UNC5D: variants seen among roughly 807,000 people sequenced by gnomAD.
UNC5D encodes unc-5 netrin receptor D, also known as netrin receptor UNC5D.
A neutral mutation model predicts 105.4 loss-of-function variants in UNC5D; 39 were observed. That is an observed-to-expected ratio of 0.37 (90% CI 0.29 to 0.48). The LOEUF (loss-of-function observed/expected upper bound fraction) is 0.48. UNC5D is among the 20% of genes least tolerant of loss of function. The pLI is 0.98. For synonymous variants in UNC5D, 452 were observed against 450.4 expected (o/e 1.00, Z -0.04); for missense variants, 991 against 1,202.4 (o/e 0.82, Z 2.60).
At chr8:35,513,241 T>TC (rs1241520234) in intron 1 of UNC5D, among the ~76,000 whole-genome samples, 1 of 142,118 alleles carries the variant, frequency 7.0e-6, no homozygotes, top group East Asian at 2.2e-4. Flanking sequence ...TTTTTTTTTT[T>TC]CCCCTGAGAC....
At chr8:35,434,908 C>G (rs917970077) in intron 1 of UNC5D, among the ~76,000 whole-genome samples, 2 of 151,968 alleles carry the variant, frequency 1.3e-5, no homozygotes, top group African/African-American at 4.8e-5. Context: ...AAGATATGAA[C>G]CAGTTCTTGG....
rs539663922 is a variant in UNC5D, at chr8:35,759,522, A to G, written c.2313+53A>G. ...AACGGCTTTGCTTTAACCGGCAAGCATGTCACAGATCCTGGCAAGGGTCTG... is the reference window on the plus strand; with the variant it reads ...AACGGCTTTGCTTTAACCGGCAAGCGTGTCACAGATCCTGGCAAGGGTCTG... On this transcript the variant is annotated intron_variant, in intron 14 of 16. Transcript: ENST00000404895. The G allele has an allele frequency of 1.2e-5, 19 of 1,578,630 alleles. No homozygotes were observed. The East Asian group carries it at 3.1e-4, about 26-fold the overall frequency.
At chr8:35,452,955 A>T (rs1376143258) in intron 1 of UNC5D, among the ~76,000 whole-genome samples, 8 of 152,138 alleles carry the variant, frequency 5.3e-5, no homozygotes, top group African/African-American at 1.7e-4. Context: ...GGCCTTCAGT[A>T]TTGGAACAAA....
intron 4 of UNC5D, among the ~76,000 whole-genome samples, chr8:35,600,757 C>A (rs1394180696): frequency 1.3e-5 from 2 of 152,140 alleles, no homozygotes; most frequent in African/African-American, 4.8e-5. Flanking sequence ...GTTGCCTGTT[C>A]ACTCTGATGG....
intron 1 of UNC5D, among the ~76,000 whole-genome samples, chr8:35,385,444 A>C (rs1803324688): frequency 6.9e-6 from 1 of 145,718 alleles, no homozygotes; most frequent in African/African-American, 2.5e-5. Context: ...CTTTGTCTTC[A>C]CATCCCTCTA....
At chr8:35,434,253 A>G (rs752798652) in intron 1 of UNC5D, among the ~76,000 whole-genome samples, 1 of 152,088 alleles carries the variant, frequency 6.6e-6, no homozygotes, top group Non-Finnish European at 1.5e-5. Flanking sequence ...GAAATATGGA[A>G]ATAAATTTGG....
intron 1 of UNC5D, among the ~76,000 whole-genome samples, chr8:35,304,882 A>G (rs571577179): frequency 2.8e-4 from 42 of 152,224 alleles, no homozygotes; most frequent in Non-Finnish European, 5.1e-4. Flanking sequence ...TTACTTTTGC[A>G]TGCTAGCCCT....
chr8:35,257,171 CA>C (rs1383116646), intron 1 of UNC5D, among the ~76,000 whole-genome samples: 3 of 151,954 alleles, frequency 2.0e-5, no homozygotes, highest in African/African-American at 7.3e-5. Flanking sequence ...GGGGTTTCAC[CA>C]TGTTGGTCAG....
At chr8:35,656,713 A>C (rs1016856407) in intron 4 of UNC5D, among the ~76,000 whole-genome samples, 1 of 152,064 alleles carries the variant, frequency 6.6e-6, no homozygotes, top group Admixed American at 6.5e-5. Context: ...AATCCCAGGG[A>C]CGTACATACC....
At chr8:35,376,251 G>T (rs1008136466) in intron 1 of UNC5D, among the ~76,000 whole-genome samples, 1 of 152,168 alleles carries the variant, frequency 6.6e-6, no homozygotes, top group Non-Finnish European at 1.5e-5. Context: ...ACAGCAACAG[G>T]AGAAAAGAGG....
intron 1 of UNC5D, among the ~76,000 whole-genome samples, chr8:35,269,706 G>T (rs764627675): frequency 6.6e-6 from 1 of 152,024 alleles, no homozygotes; most frequent in Admixed American, 6.5e-5. Flanking sequence ...GCCTCCCATC[G>T]CCGGTTTGGG....
At chr8:35,442,641 A>G (rs1807481954) in intron 1 of UNC5D, among the ~76,000 whole-genome samples, 1 of 151,922 alleles carries the variant, frequency 6.6e-6, no homozygotes, top group Admixed American at 6.6e-5. Context: ...TTTCCAGCCA[A>G]TCCAAGGAAT....
At chr8:35,302,746 T>C (rs2128871761) in intron 1 of UNC5D, among the ~76,000 whole-genome samples, 1 of 152,298 alleles carries the variant, frequency 6.6e-6, no homozygotes, top group Admixed American at 6.5e-5. Flanking sequence ...TGATATACAT[T>C]TGGACTTTAA....
intron 1 of UNC5D, among the ~76,000 whole-genome samples, chr8:35,279,112 A>G (rs1179792110): frequency 6.6e-6 from 1 of 151,930 alleles, no homozygotes; most frequent in African/African-American, 2.4e-5. Flanking sequence ...TCCAGCAGAA[A>G]CTCTCATCCT....
chr8:35,305,893 TTCTC>T (rs571356213), intron 1 of UNC5D, among the ~76,000 whole-genome samples: 6 of 143,776 alleles, frequency 4.2e-5, no homozygotes, highest in South Asian at 2.3e-4. Flanking sequence ...TTCTTTCTTT[TTCTC>T]TCTTTCTTTT....
intron 1 of UNC5D, among the ~76,000 whole-genome samples, chr8:35,324,648 C>T (rs1810017983): frequency 2.6e-5 from 4 of 152,002 alleles, no homozygotes; most frequent in Non-Finnish European, 5.9e-5. Flanking sequence ...GACATATAGT[C>T]AAGTAAAATC....
rs1346676552 is a variant in UNC5D, at chr8:35,333,503, T to C, written c.103+97616T>C. ...GGAAGTAGGAGAATTATGTTTGTTT[T>C]TGAGAGGGAGTTTCGCCCCAGGCTG... On this transcript the variant is annotated intron_variant, in intron 1 of 16. Transcript: ENST00000404895. Among the ~76,000 whole-genome samples, 3 of 152,114 alleles carry C rather than the reference T, an allele frequency of 2.0e-5. No homozygotes were observed. In the South Asian group the frequency reaches 6.2e-4, roughly 32 times the overall value.
intron 1 of UNC5D, among the ~76,000 whole-genome samples, chr8:35,449,943 C>A (rs1808037727): frequency 6.6e-6 from 1 of 152,260 alleles, no homozygotes; most frequent in Non-Finnish European, 1.5e-5. Context: ...CATTCCTGTC[C>A]TTCAAGAATC....
intron 6 of UNC5D, 105 bp downstream of exon 6, chr8:35,684,854 G>A (rs1455560865): frequency 4.3e-6 from 6 of 1,391,484 alleles, no homozygotes; most frequent in Non-Finnish European, 5.7e-6. Flanking sequence ...CCTCTCCCAA[G>A]TTCTTAGAAT....
Sources: allele counts gnomAD v4.1 joint callset (sites outside exome capture counted in the v4.1 genomes callset), GRCh38; gene constraint gnomAD v4.1.1; transcripts MANE v1.5; gene names NCBI Gene and HGNC (gene_info 2026-07-23, HGNC 2026-07-21).